TRAPPC8: variants seen among roughly 807,000 people sequenced by gnomAD.
The protein encoded by TRAPPC8 is general sporulation gene 1 homolog.
A neutral mutation model predicts 174.3 loss-of-function variants in TRAPPC8; 54 were observed. The ratio of observed to expected loss-of-function variants is 0.31; its 90% confidence interval spans 0.25 to 0.39. TRAPPC8 has a LOEUF of 0.39. Ranked by LOEUF, TRAPPC8 falls within the 10% of genes least tolerant of loss-of-function variation. The pLI is 1.00. For missense variants in TRAPPC8, 1,531 were observed against 1,699.1 expected (o/e 0.90, Z 1.74); for synonymous variants, 630 against 579.9 (o/e 1.09, Z -1.24).
chr18:31,925,444 A>G (rs1421052778), intron 2 of TRAPPC8, among the ~76,000 whole-genome samples: 1 of 152,188 alleles, frequency 6.6e-6, no homozygotes, highest in African/African-American at 2.4e-5. Flanking sequence ...AGATAAAGTC[A>G]AGGATATTCA....
intron 11 of TRAPPC8, among the ~76,000 whole-genome samples, chr18:31,892,311 A>T (rs1405607256): frequency 6.6e-6 from 1 of 152,130 alleles, no homozygotes; most frequent in African/African-American, 2.4e-5. Flanking sequence ...CATTTTTAAA[A>T]ATACACATAT....
At chr18:31,873,365 A>AGAAAG (rs2034982708) in intron 14 of TRAPPC8, 65 bp downstream of exon 14, 1 of 1,314,260 alleles carries the variant, frequency 7.6e-7, no homozygotes, top group Non-Finnish European at 1.1e-6. Context: ...TTTTAAATGG[A>AGAAAG]GAAAGGAAAA....
intron 10 of TRAPPC8, among the ~76,000 whole-genome samples, chr18:31,898,669 T>C (rs1027692647): frequency 6.6e-6 from 1 of 152,270 alleles, no homozygotes; most frequent in African/African-American, 2.4e-5. Context: ...GCCAGCGTTG[T>C]CTGATTGATT....
intron 5 of TRAPPC8, among the ~76,000 whole-genome samples, chr18:31,912,058 G>A (rs1336445038): frequency 6.6e-6 from 1 of 152,010 alleles, no homozygotes; most frequent in Non-Finnish European, 1.5e-5. Flanking sequence ...TCTAGAACTC[G>A]AGGTTAAGAA....
intron 12 of TRAPPC8, among the ~76,000 whole-genome samples, 180 bp from the exon 13 acceptor site, chr18:31,874,884 G>T (rs2035066962): frequency 6.6e-6 from 1 of 152,164 alleles, no homozygotes; most frequent in African/African-American, 2.4e-5. Flanking sequence ...TATATGGAAT[G>T]ATATAGATAA....
At chr18:31,857,440 G>A in intron 20 of TRAPPC8, 100 bp downstream of exon 20, 1 of 1,024,048 alleles carries the variant, frequency 9.8e-7, no homozygotes, top group Non-Finnish European at 1.3e-6. Flanking sequence ...CTGGAACAGA[G>A]TAATTTCTTA....
intron 11 of TRAPPC8, among the ~76,000 whole-genome samples, chr18:31,892,572 C>A (rs896253690): frequency 6.6e-6 from 1 of 151,912 alleles, no homozygotes; most frequent in East Asian, 1.9e-4. Flanking sequence ...GGAAGTAGAA[C>A]TGTGGAGTTA....
chr18:31,897,287 TAA>T (rs1458531663), intron 11 of TRAPPC8, among the ~76,000 whole-genome samples: 1 of 152,242 alleles, frequency 6.6e-6, no homozygotes, highest in Non-Finnish European at 1.5e-5. Flanking sequence ...TTTTCTCTTT[TAA>T]AATATTCACA....
At chr18:31,844,698 A>AGAGT (rs1358081904) in intron 26 of TRAPPC8, 3 of 150,672 alleles carry the variant, frequency 2.0e-5, no homozygotes, top group African/African-American at 4.9e-5. Context: ...GCCTGGTAAC[A>AGAGT]GAGTGAGACT....
At chr18:31,883,141 T>G (rs1303624927) in intron 12 of TRAPPC8, 1 of 150,088 alleles carries the variant, frequency 6.7e-6, no homozygotes, top group Non-Finnish European at 1.5e-5. Context: ...GAGAATCACT[T>G]GAACCCAGGA....
intron 27 of TRAPPC8, among the ~76,000 whole-genome samples, chr18:31,833,084 T>C (rs749742741): frequency 3.9e-5 from 6 of 152,194 alleles, no homozygotes; most frequent in Non-Finnish European, 7.3e-5. Flanking sequence ...GTACTGGTGC[T>C]ATGCCCTAAC....
intron 18 of TRAPPC8, among the ~76,000 whole-genome samples, chr18:31,866,127 T>C (rs755813100): frequency 7.2e-5 from 11 of 152,078 alleles, no homozygotes; most frequent in South Asian, 2.1e-4. Flanking sequence ...CAAGGACTAT[T>C]CAACTTAATT....
intron 3 of TRAPPC8, among the ~76,000 whole-genome samples, chr18:31,917,320 A>T (rs994276098): frequency 6.6e-6 from 1 of 151,946 alleles, no homozygotes; most frequent in Non-Finnish European, 1.5e-5. Flanking sequence ...TATTCAAGCT[A>T]GGGGGCTAAA....
At chr18:31,885,596 C>T (rs1024784939) in intron 12 of TRAPPC8, among the ~76,000 whole-genome samples, 1 of 151,978 alleles carries the variant, frequency 6.6e-6, no homozygotes, top group African/African-American at 2.4e-5. Flanking sequence ...CGGTGGCTCA[C>T]TCCTGTAATC....
intron 5 of TRAPPC8, among the ~76,000 whole-genome samples, chr18:31,911,229 T>A (rs2145499825): frequency 6.6e-6 from 1 of 152,306 alleles, no homozygotes; most frequent in Non-Finnish European, 1.5e-5. Context: ...TACTTAAGAA[T>A]TTCTAGGCCA....
At chr18:31,938,501 A>C (rs1307707244) in intron 1 of TRAPPC8, among the ~76,000 whole-genome samples, 1 of 152,140 alleles carries the variant, frequency 6.6e-6, no homozygotes, top group African/African-American at 2.4e-5. Flanking sequence ...AATAGTACTC[A>C]AATCTCTTCT....
intron 27 of TRAPPC8, among the ~76,000 whole-genome samples, chr18:31,838,034 A>G (rs1453887984): frequency 6.6e-6 from 1 of 151,702 alleles, no homozygotes; most frequent in Non-Finnish European, 1.5e-5. Context: ...CAATGGTGCA[A>G]ACATAGCTGA....
intron 19 of TRAPPC8, among the ~76,000 whole-genome samples, chr18:31,863,590 T>C (rs2034439306): frequency 6.6e-6 from 1 of 152,202 alleles, no homozygotes; most frequent in Non-Finnish European, 1.5e-5. Context: ...TGATTGCATC[T>C]ATAATTATTA....
At chr18:31,886,403 G>C (rs2035720684) in intron 12 of TRAPPC8, among the ~76,000 whole-genome samples, 1 of 149,064 alleles carries the variant, frequency 6.7e-6, no homozygotes, top group Non-Finnish European at 1.5e-5. Context: ...AAGGAACACA[G>C]TATTAAAAAC....
Sources: allele counts gnomAD v4.1 joint callset (sites outside exome capture counted in the v4.1 genomes callset), GRCh38; gene constraint gnomAD v4.1.1; transcripts MANE v1.5; gene names NCBI Gene and HGNC (gene_info 2026-07-23, HGNC 2026-07-21).